PRKCH: variants seen among roughly 807,000 people sequenced by gnomAD.
PRKCH encodes protein kinase C eta type.
Under a neutral mutation model 82.5 loss-of-function variants are expected in PRKCH, and 28 were observed. That is an observed-to-expected ratio of 0.34 (90% CI 0.25 to 0.47). The LOEUF (loss-of-function observed/expected upper bound fraction) is 0.47. Ranked by LOEUF, PRKCH falls within the 20% of genes least tolerant of loss-of-function variation. PRKCH has a pLI of 1.00. For synonymous variants in PRKCH, 322 were observed against 327.4 expected, an observed-to-expected ratio of 0.98 and a Z score of 0.18; for missense variants, 705 against 881.8, an observed-to-expected ratio of 0.80 and a Z score of 2.54.
At chr14:61,253,204 T>C (rs972826218) in intron 1 of PRKCH, among the ~76,000 whole-genome samples, 26 of 152,356 alleles carry the variant, frequency 1.7e-4, no homozygotes, top group Middle Eastern at 6.8e-3. Flanking sequence ...TAAGCAATTT[T>C]TTAAGAGCTC....
rs146730926 is a variant in PRKCH, at chr14:61,491,274, T to G, written c.1433+5618T>G. Among the ~76,000 whole-genome samples, 626 of 152,348 alleles carry G rather than the reference T, an allele frequency of 4.1e-3. 1 individual carries two copies. Among genetic ancestry groups the G allele is most frequent in the African/African-American group, 0.014 (597 of 41,572 alleles). ...TAACAGCTCTCTTTTCCCTTTGTCA[T>G]CTGCTGGCATTATTCCTTCTGCTGC... On this transcript the variant is annotated intron_variant, in intron 10 of 13. Transcript: ENST00000332981.
chr14:61,189,219 C>A (rs1490113128), intron 1 of PRKCH, among the ~76,000 whole-genome samples: 1 of 152,204 alleles, frequency 6.6e-6, no homozygotes, highest in Non-Finnish European at 1.5e-5. Context: ...TTTGGGAATC[C>A]CAGCGGGGTC....
intron 2 of PRKCH, among the ~76,000 whole-genome samples, chr14:61,435,298 C>G (rs1335181423): frequency 6.6e-6 from 1 of 152,160 alleles, no homozygotes; most frequent in Non-Finnish European, 1.5e-5. Context: ...AACTCTGCTC[C>G]TGGGGGAATC....
chr14:61,412,524 A>G (rs1006871158), intron 2 of PRKCH, among the ~76,000 whole-genome samples: 2 of 152,176 alleles, frequency 1.3e-5, no homozygotes, highest in Non-Finnish European at 2.9e-5. Context: ...CTGTGGGGTC[A>G]TCCCTGCAGT....
chr14:61,214,957 TCTC>T (rs1310793373), intron 1 of PRKCH, among the ~76,000 whole-genome samples: 1 of 152,230 alleles, frequency 6.6e-6, no homozygotes, highest in Non-Finnish European at 1.5e-5. Flanking sequence ...ATTTATATCT[TCTC>T]TACATTACTA....
intron 10 of PRKCH, among the ~76,000 whole-genome samples, chr14:61,486,478 T>C (rs1174912974): frequency 2.0e-5 from 3 of 152,198 alleles, no homozygotes; most frequent in Admixed American, 6.5e-5. Flanking sequence ...ATCTGCTTGA[T>C]GTTGTTAAGT....
intron 1 of PRKCH, among the ~76,000 whole-genome samples, chr14:61,344,906 G>A (rs886573292): frequency 6.6e-6 from 1 of 152,086 alleles, no homozygotes; most frequent in Admixed American, 6.5e-5. Flanking sequence ...GAACCCCCCA[G>A]TTGATTGATT....
intron 4 of PRKCH, among the ~76,000 whole-genome samples, chr14:61,447,917 G>A (rs938042889): frequency 2.0e-5 from 3 of 152,094 alleles, no homozygotes; most frequent in Non-Finnish European, 4.4e-5. Flanking sequence ...AGCCTCAAGC[G>A]AGCATAAGAA....
intron 1 of PRKCH, among the ~76,000 whole-genome samples, chr14:61,210,741 G>T (rs2044568646): frequency 6.7e-6 from 1 of 149,482 alleles, no homozygotes; most frequent in Non-Finnish European, 1.5e-5. Context: ...ACATTAAATA[G>T]GCCAAGAGTC....
At chr14:61,436,712 T>G (rs1402685988) in intron 2 of PRKCH, among the ~76,000 whole-genome samples, 3 of 152,186 alleles carry the variant, frequency 2.0e-5, no homozygotes, top group African/African-American at 4.8e-5. Context: ...TTTGTATTTT[T>G]AATAGAGATG....
chr14:61,405,813 G>GTA (rs1431935432), intron 2 of PRKCH, among the ~76,000 whole-genome samples: 1 of 152,150 alleles, frequency 6.6e-6, no homozygotes, highest in Non-Finnish European at 1.5e-5. Flanking sequence ...TAGGGACTTA[G>GTA]TATATAGCTT....
At chr14:61,392,291 C>T (rs915244797) in intron 2 of PRKCH, among the ~76,000 whole-genome samples, 13 of 152,014 alleles carry the variant, frequency 8.6e-5, no homozygotes, top group African/African-American at 2.9e-4. Flanking sequence ...AGTGGAATTG[C>T]TGGGTAATAA....
At chr14:61,257,027 A>G (rs1182841832) in intron 1 of PRKCH, among the ~76,000 whole-genome samples, 3 of 152,226 alleles carry the variant, frequency 2.0e-5, no homozygotes, top group African/African-American at 4.8e-5. Context: ...GTATTTTGAC[A>G]GGAAACACTA....
At chr14:61,207,939 C>T (rs1475027239) in intron 1 of PRKCH, among the ~76,000 whole-genome samples, 2 of 152,190 alleles carry the variant, frequency 1.3e-5, no homozygotes, top group Non-Finnish European at 2.9e-5. Flanking sequence ...TGTGTTGTCC[C>T]CAGCCTGACA....
intron 10 of PRKCH, among the ~76,000 whole-genome samples, chr14:61,494,710 A>G (rs1434191934): frequency 2.0e-5 from 3 of 152,236 alleles, no homozygotes; most frequent in African/African-American, 7.2e-5. Flanking sequence ...TTTTCTTGGT[A>G]TCCATAGGCA....
In PRKCH at chr14:61,470,005, G is replaced by T. The variant is rs550673879; in HGVS notation, c.1278+12326G>T. Among the ~76,000 whole-genome samples the T allele has an allele frequency of 3.2e-3, 483 of 151,880 alleles. 32 individuals are homozygous for T. The South Asian group carries it at 0.094, about 29-fold the overall frequency. ...TCATGAACAGATTGTTCATCTTATA[G>T]TCTCAGCTGGTGACCCTCCATGGCA... On this transcript the variant is annotated intron_variant, in intron 9 of 13. Coordinates refer to ENST00000332981, the MANE Select transcript of PRKCH (RefSeq NM_006255.5).
intron 10 of PRKCH, among the ~76,000 whole-genome samples, chr14:61,501,302 T>G (rs1302256864): frequency 6.6e-6 from 1 of 152,252 alleles, no homozygotes; most frequent in East Asian, 1.9e-4. Context: ...GTTGAATAAA[T>G]TATGGTTATA....
chr14:61,358,847 C>T (rs538393416), intron 1 of PRKCH, among the ~76,000 whole-genome samples: 17 of 152,198 alleles, frequency 1.1e-4, no homozygotes, highest in African/African-American at 2.9e-4. Flanking sequence ...CCTTTGTTAG[C>T]GACACTGCTT....
upstream of PRKCH, among the ~76,000 whole-genome samples, chr14:61,321,504 A>G (rs927880157): frequency 2.6e-5 from 4 of 152,020 alleles, no homozygotes; most frequent in Non-Finnish European, 5.9e-5. The surrounding 1 kb of genome is among the most constrained non-coding windows in gnomAD (Gnocchi z 4.1). Context: ...GGATCCACCC[A>G]CCGCAGGGCC....
Sources: allele counts gnomAD v4.1 joint callset (sites outside exome capture counted in the v4.1 genomes callset), GRCh38; gene constraint gnomAD v4.1.1; non-coding constraint Gnocchi (gnomAD v3.1); transcripts MANE v1.5; gene names NCBI Gene and HGNC (gene_info 2026-07-23, HGNC 2026-07-21).